RAB3IP: variants seen among roughly 807,000 people sequenced by gnomAD.
The protein encoded by RAB3IP is rab-3A-interacting protein.
A neutral mutation model predicts 59.1 loss-of-function variants in RAB3IP; 36 were observed. The observed-to-expected ratio is 0.61, with a 90% CI of 0.47 to 0.80. The LOEUF is 0.80. RAB3IP is among the 30% of genes least tolerant of loss of function. The pLI, the probability that RAB3IP is intolerant of heterozygous loss-of-function variation, is 0.00. For synonymous variants in RAB3IP, 207 were observed against 191.2 expected, an observed-to-expected ratio of 1.08 and a Z score of -0.68; for missense variants, 511 against 536.0, an observed-to-expected ratio of 0.95 and a Z score of 0.46.
intron 10 of RAB3IP, 21 bp from the exon 11 acceptor site, chr12:69,815,343 C>G: frequency 7.9e-7 from 1 of 1,263,320 alleles, no homozygotes; most frequent in Non-Finnish European, 1.0e-6. Flanking sequence ...ATTTAAATAT[C>G]TCTCTTTTCT....
At position 69,821,792 on chromosome 12, in the gene RAB3IP, C is replaced by T. The variant is rs1333149031; in HGVS notation, c.*6346C>T. On this transcript the variant is annotated 3_prime_UTR_variant, in exon 11 of 11. Coordinates refer to ENST00000247833, the MANE Select transcript of RAB3IP (RefSeq NM_022456.5). ...TGACTCCACCTGTCGGGTGGCTACA[C>T]CCTTGCTCAGGGTATGCACTCCATG... 2 of 152,208 alleles carry T rather than the reference C, an allele frequency of 1.3e-5. No individual in the cohort carries two copies. Among genetic ancestry groups the T allele is most frequent in the East Asian group, 1.9e-4 (1 of 5,196 alleles). 9.4% of individuals were successfully genotyped at this position (152,208 alleles called of 1,614,324 possible).
intron 3 of RAB3IP, among the ~76,000 whole-genome samples, chr12:69,768,809 C>T (rs1031362652): frequency 4.6e-5 from 7 of 152,100 alleles, no homozygotes; most frequent in South Asian, 4.1e-4. Flanking sequence ...TGACCTCACT[C>T]TAAAACAGGT....
intron 3 of RAB3IP, among the ~76,000 whole-genome samples, chr12:69,782,847 C>T (rs1408935751): frequency 2.0e-5 from 3 of 151,822 alleles, no homozygotes; most frequent in African/African-American, 2.4e-5. Flanking sequence ...GAAACATTCT[C>T]TGGTCCACTC....
chr12:69,757,785 G>A (rs1870467236), intron 3 of RAB3IP, among the ~76,000 whole-genome samples: 1 of 152,088 alleles, frequency 6.6e-6, no homozygotes, highest in African/African-American at 2.4e-5. Flanking sequence ...TCTGTCATCT[G>A]GCTCAGACTT....
chr12:69,756,507 T>C lies in RAB3IP; in HGVS notation c.354T>C (p.Phe118=). The C allele has an allele frequency of 2.5e-6, 4 of 1,614,096 alleles. No individual in the cohort carries two copies. The highest frequency in any genetic ancestry group is 2.2e-5 in the South Asian group (2 of 91,076). ...ACAACTATAATGCAGAGAGAGAGTT[T>C]TTACAGGGTGCTACTATAACAGAGG... ...RKDNYNAERE[F]LQGATITEAC... The change falls in exon 3 of 11, where the codon TTT becomes TTC. Residue 118 remains phenylalanine (F), a synonymous_variant. Transcript: ENST00000247833.
At chr12:69,759,364 A>C (rs1231691029) in intron 3 of RAB3IP, among the ~76,000 whole-genome samples, 2 of 151,978 alleles carry the variant, frequency 1.3e-5, no homozygotes, top group Non-Finnish European at 2.9e-5. Flanking sequence ...GAACAAAATG[A>C]AGTCTCCTAT....
intron 8 of RAB3IP, among the ~76,000 whole-genome samples, chr12:69,808,533 A>T (rs1427506600): frequency 6.6e-6 from 1 of 152,114 alleles, no homozygotes; most frequent in East Asian, 1.9e-4. Flanking sequence ...ATTGTTTGGG[A>T]GTCTAAGTCT....
intron 3 of RAB3IP, among the ~76,000 whole-genome samples, chr12:69,771,318 C>T (rs1873071255): frequency 6.6e-6 from 1 of 152,088 alleles, no homozygotes; most frequent in African/African-American, 2.4e-5. Context: ...ATGGCTTGAC[C>T]ACAGGCCTTC....
At chr12:69,807,086 G>A (rs1311797089) in intron 8 of RAB3IP, among the ~76,000 whole-genome samples, 10 of 152,162 alleles carry the variant, frequency 6.6e-5, no homozygotes, top group Non-Finnish European at 1.2e-4. Context: ...CTCGACGGTC[G>A]CTGTCTCTTC....
At chr12:69,803,525 T>G (rs1208618612) in intron 8 of RAB3IP, among the ~76,000 whole-genome samples, 1 of 152,056 alleles carries the variant, frequency 6.6e-6, no homozygotes, top group Non-Finnish European at 1.5e-5. Flanking sequence ...ACTTTAAGTT[T>G]TAAGGTACAT....
chr12:69,798,966 GTCT>G, intron 6 of RAB3IP, among the ~76,000 whole-genome samples: 1 of 152,258 alleles, frequency 6.6e-6, no homozygotes, highest in African/African-American at 2.4e-5. Context: ...AGATTAAAGA[GTCT>G]TATTTAGAAG....
intron 4 of RAB3IP, among the ~76,000 whole-genome samples, chr12:69,788,868 G>A (rs547318782): frequency 1.3e-5 from 2 of 152,016 alleles, no homozygotes; most frequent in South Asian, 4.2e-4. Flanking sequence ...CACTCACAAT[G>A]GAATTCAATT....
At chr12:69,788,807 C>A (rs1876144812) in intron 4 of RAB3IP, among the ~76,000 whole-genome samples, 1 of 152,002 alleles carries the variant, frequency 6.6e-6, no homozygotes, top group African/African-American at 2.4e-5. Flanking sequence ...TGTTAGGTCA[C>A]AAAACAAGTC....
intron 8 of RAB3IP, among the ~76,000 whole-genome samples, chr12:69,809,409 T>C (rs1592624757): frequency 6.6e-6 from 1 of 152,324 alleles, no homozygotes; most frequent in African/African-American, 2.4e-5. Context: ...AGTATCTTTG[T>C]AGCATTCTCT....
At chr12:69,752,618 A>G (rs1869520625) in intron 1 of RAB3IP, among the ~76,000 whole-genome samples, 5 of 152,092 alleles carry the variant, frequency 3.3e-5, no homozygotes, top group Admixed American at 3.3e-4. Context: ...TTATTGCTAA[A>G]TTTTCCTCCA....
chr12:69,813,496 G>A (rs942495139), intron 10 of RAB3IP, among the ~76,000 whole-genome samples: 1 of 152,092 alleles, frequency 6.6e-6, no homozygotes, highest in East Asian at 1.9e-4. Context: ...GCAGTCATGA[G>A]GATAATTCTG....
chr12:69,786,339 C>T (rs1206417655), intron 4 of RAB3IP, among the ~76,000 whole-genome samples: 1 of 152,094 alleles, frequency 6.6e-6, no homozygotes, highest in Non-Finnish European at 1.5e-5. Flanking sequence ...TGCTCCATAC[C>T]CCTTTGCCTT....
intron 6 of RAB3IP, chr12:69,795,663 G>A: frequency 2.3e-6 from 1 of 443,438 alleles, no homozygotes; most frequent in South Asian, 7.1e-5. Context: ...TATTGCTAGA[G>A]TGCGCTTACA....
intron 4 of RAB3IP, among the ~76,000 whole-genome samples, chr12:69,790,450 G>C (rs1876422293): frequency 6.6e-6 from 1 of 152,134 alleles, no homozygotes; most frequent in East Asian, 1.9e-4. Flanking sequence ...TTGGTTGGAA[G>C]AATTAATACT....
Sources: gnomAD v4.1 joint callset for allele counts (sites outside exome capture counted in the v4.1 genomes callset) on GRCh38, gnomAD v4.1.1 for gene constraint, MANE v1.5 for transcripts, NCBI Gene and HGNC (gene_info 2026-07-23, HGNC 2026-07-21) for gene names.